The following ZNF8 variants were observed in gnomAD, a reference collection of about 807,000 sequenced individuals.
The protein encoded by ZNF8 is zinc finger protein 8.
ZNF8 carries 9 observed loss-of-function variants against 12.2 expected under a neutral mutation model. That is an observed-to-expected ratio of 0.73 (90% CI 0.44 to 1.28). The LOEUF (loss-of-function observed/expected upper bound fraction) is 1.28, where lower values mean the gene tolerates loss of function less well. ZNF8 is among the 50% of genes most tolerant of loss of function. The pLI, the probability that ZNF8 is intolerant of heterozygous loss-of-function variation, is 0.00. For synonymous variants in ZNF8, 274 were observed against 282.3 expected (o/e 0.97, Z 0.30); for missense variants, 664 against 729.1 (o/e 0.91, Z 1.03).
chr19:58,285,703 G>A lies in ZNF8; in HGVS notation c.67-14G>A. On this transcript the variant is annotated splice_polypyrimidine_tract_variant and intron_variant, in intron 1 of 3. Transcript: ENST00000621650. Reference sequence around the variant, plus strand: ...AGATAGTCCAGCTGATTGAGAATGTGTGTGATGTTTCAGGAACCAGTGACC... The same window carrying A: ...AGATAGTCCAGCTGATTGAGAATGTATGTGATGTTTCAGGAACCAGTGACC... 6.2e-7 allele frequency: 1 copy of A among 1,614,192 alleles called. No individual in the cohort carries two copies. Among genetic ancestry groups the A allele is most frequent in the East Asian group, 2.2e-5 (1 of 44,876 alleles).
At chr19:58,287,594 C>T (rs1036283128) in intron 3 of ZNF8, among the ~76,000 whole-genome samples, 2 of 149,640 alleles carry the variant, frequency 1.3e-5, no homozygotes, top group African/African-American at 2.5e-5. Flanking sequence ...CTGTCTTGGC[C>T]TCTCAAAGTG....
chr19:58,295,694 CCAAAT>C lies in ZNF8; in HGVS notation c.*160_*164del. 1.6e-6 allele frequency: 1 copy of C among 643,428 alleles called. No homozygotes were observed. Among genetic ancestry groups the C allele is most frequent in the Admixed American group, 3.1e-5 (1 of 32,280 alleles). 39.9% of individuals were successfully genotyped at this position (643,428 alleles called of 1,614,324 possible). A position where few individuals can be genotyped will look rare whatever the true frequency, so the allele number is the denominator to read the frequency against. ...CCCAAGCACCCGAGGTTGGTTGGTC[CCAAAT>C]CTATCAAACTCAGTGCCCTCTTTAG... is the stretch of plus-strand genomic sequence containing the variant. On this transcript the variant is annotated 3_prime_UTR_variant, in exon 4 of 4. Transcript: ENST00000621650.
rs755756446 is a variant in ZNF8, at chr19:58,299,812, A to G, written c.*4276A>G. The G allele has an allele frequency of 2.0e-5, 3 of 152,086 alleles. No individual in the cohort carries two copies. The highest frequency in any genetic ancestry group is 4.4e-5 in the Non-Finnish European group (3 of 68,048). The allele number at this position is 152,086 out of a possible 1,614,324, so 9.4% of individuals were successfully genotyped here. ...TCCCGTGTCCGTTTTTGCTTTTTGG[A>G]TGCTGGGAGTGTCACAACTCAGCTA... On this transcript the variant is annotated 3_prime_UTR_variant, in exon 4 of 4. Coordinates refer to ENST00000621650, the MANE Select transcript of ZNF8 (RefSeq NM_021089.3).
At chr19:58,288,246 A>G (rs1400716256) in intron 3 of ZNF8, among the ~76,000 whole-genome samples, 1 of 151,870 alleles carries the variant, frequency 6.6e-6, no homozygotes, top group Non-Finnish European at 1.5e-5. Context: ...AATACCCTAA[A>G]ACCAGGTTGG....
At chr19:58,293,580 A>G (rs942766868) in intron 3 of ZNF8, among the ~76,000 whole-genome samples, 9 of 152,188 alleles carry the variant, frequency 5.9e-5, no homozygotes, top group African/African-American at 2.2e-4. Flanking sequence ...AGAACTGGTT[A>G]TCTTGGATAC....
At chr19:58,285,964 G>C in intron 2 of ZNF8, 121 bp downstream of exon 2, 1 of 1,457,754 alleles carries the variant, frequency 6.9e-7, no homozygotes, top group Non-Finnish European at 9.4e-7. Context: ...GAAGAGGGAG[G>C]TCTGCCCTTT....
In ZNF8 at chr19:58,299,726, GC is replaced by G. The variant is rs1225036309; in HGVS notation, c.*4192del. The stretch of plus-strand genomic sequence containing the variant: ...AGAGCTTGCAGTGAGCTGAGATAGT[GC>G]CTCTGCACTCCAGCCTGGGTGACAG... On this transcript the variant is annotated 3_prime_UTR_variant, in exon 4 of 4. Transcript: ENST00000621650. 1 of 151,966 alleles carries G rather than the reference GC, an allele frequency of 6.6e-6. No individual in the cohort carries two copies. The highest frequency in any genetic ancestry group is 1.5e-5 in the Non-Finnish European group (1 of 68,032). The allele number at this position is 151,966 out of a possible 1,614,324, so 9.4% of individuals were successfully genotyped here.
intron 1 of ZNF8, chr19:58,279,675 A>T (rs1366265371): frequency 6.5e-7 from 1 of 1,532,488 alleles, no homozygotes; most frequent in Non-Finnish European, 8.7e-7. Flanking sequence ...ACTGAGTGTG[A>T]TGAGAGTGAC....
intron 3 of ZNF8, 96 bp downstream of exon 3, chr19:58,286,301 G>T: frequency 2.0e-6 from 2 of 1,006,412 alleles, no homozygotes; most frequent in Non-Finnish European, 3.0e-6. Context: ...TGGTCCTGAA[G>T]ACCACCCCAT....
At position 58,294,055 on chromosome 19, in the gene ZNF8, T is replaced by C; in HGVS notation, c.290-43T>C. On this transcript the variant is annotated intron_variant, in intron 3 of 3. Transcript: ENST00000621650. The surrounding 1 kb of genome is among the most constrained non-coding windows in gnomAD (Gnocchi z 5.5). ...TGTTGGAGGCCTGTCCCCCTTCCGT[T>C]TTTTTCTCCCAACAGCTCAGAGATC... is the stretch of plus-strand genomic sequence containing the variant. The C allele has an allele frequency of 6.5e-7, 1 of 1,546,452 alleles. No homozygotes were observed. The highest frequency in any genetic ancestry group is 8.7e-7 in the Non-Finnish European group (1 of 1,144,316).
chr19:58,299,001 G>A lies in ZNF8; in HGVS notation c.*3465G>A, dbSNP rs2051474175. On this transcript the variant is annotated 3_prime_UTR_variant, in exon 4 of 4. Coordinates refer to ENST00000621650, the MANE Select transcript of ZNF8 (RefSeq NM_021089.3). ...GATTTCTTAATTGTTTGTAGAGATG[G>A]GGTTTTACTACATTGCCTAGGCCAG... 6.6e-6 allele frequency: 1 copy of A among 151,840 alleles called. No individual in the cohort carries two copies. Among genetic ancestry groups the A allele is most frequent in the African/African-American group, 2.4e-5 (1 of 41,270 alleles). 9.4% of individuals were successfully genotyped at this position (151,840 alleles called of 1,614,324 possible).
Position 58,294,891 on chromosome 19 carries a change from G to A in ZNF8, c.1083G>A (p.Arg361=). ...NQNSSLGRHK[R]THTGEKPYTC... ...ACTCCTCCCTGGGGCGGCACAAGAG[G>A]ACACACACTGGGGAGAAGCCATACA... Residue 361 remains arginine (R), a synonymous_variant, in exon 4 of 4, where the codon AGG becomes AGA. Transcript: ENST00000621650. The surrounding 1 kb of genome is among the most constrained non-coding windows in gnomAD (Gnocchi z 5.5). The A allele has an allele frequency of 6.2e-7, 1 of 1,614,130 alleles. No homozygotes were observed. The highest frequency in any genetic ancestry group is 1.3e-5 in the African/African-American group (1 of 75,018).
intron 1 of ZNF8, among the ~76,000 whole-genome samples, chr19:58,280,810 T>C (rs1261400413): frequency 6.6e-6 from 1 of 152,208 alleles, no homozygotes. Flanking sequence ...CTGTGAGAGG[T>C]ACAGACCTTC....
At chr19:58,283,065 CT>C (rs1294588293) in intron 1 of ZNF8, among the ~76,000 whole-genome samples, 2 of 151,552 alleles carry the variant, frequency 1.3e-5, no homozygotes, top group East Asian at 3.9e-4. Context: ...GCAACCTCCA[CT>C]TTCCAGACTC....
intron 3 of ZNF8, among the ~76,000 whole-genome samples, chr19:58,292,974 GTC>G (rs2051429298): frequency 6.6e-6 from 1 of 150,502 alleles, no homozygotes; most frequent in Admixed American, 6.6e-5. Context: ...TTGAGACAGA[GTC>G]TCTGCTTGGT....
chr19:58,288,715 TA>T, intron 3 of ZNF8, among the ~76,000 whole-genome samples: 1 of 152,296 alleles, frequency 6.6e-6, no homozygotes, highest in East Asian at 1.9e-4. Flanking sequence ...GCCTGCAGAT[TA>T]GCCTCCCACC....
At chr19:58,285,574 C>G in intron 1 of ZNF8, 143 bp from the exon 2 acceptor site, 1 of 1,172,100 alleles carries the variant, frequency 8.5e-7, no homozygotes, top group Non-Finnish European at 1.3e-6. Flanking sequence ...TAATAGGTGC[C>G]CAGTGAGACC....
rs1252302404 is a variant in ZNF8 at position 58,299,192 on chromosome 19, A to C, written c.*3656A>C. ...CAGTGGTGCGATCTCGGCTCACTGC[A>C]AGCTCCGCCTCCCAGGTTCATGCCA... On this transcript the variant is annotated 3_prime_UTR_variant, in exon 4 of 4. Coordinates refer to ENST00000621650, the MANE Select transcript of ZNF8 (RefSeq NM_021089.3). 7.0e-6 allele frequency: 1 copy of C among 143,070 alleles called. No individual in the cohort carries two copies. 8.9% of individuals were successfully genotyped at this position (143,070 alleles called of 1,614,324 possible).
rs1268503058 is a variant in ZNF8 at position 58,279,017 on chromosome 19, T to C, written c.-65T>C. On this transcript the variant is annotated 5_prime_UTR_variant, in exon 1 of 4. Coordinates refer to ENST00000621650, the MANE Select transcript of ZNF8 (RefSeq NM_021089.3). ...GCGTTCGGCGAGTCGGGTGGTCCCT[T>C]TGGCTGGAGTGCCTCTCTGGTCTGG... is the stretch of plus-strand genomic sequence containing the variant. 3 of 1,348,936 alleles carry C rather than the reference T, an allele frequency of 2.2e-6. No individual in the cohort carries two copies. The highest frequency in any genetic ancestry group is 2.9e-6 in the Non-Finnish European group (3 of 1,041,778). 83.6% of individuals were successfully genotyped at this position (1,348,936 alleles called of 1,614,324 possible).
Sources: allele counts gnomAD v4.1 joint callset (sites outside exome capture counted in the v4.1 genomes callset), GRCh38; gene constraint gnomAD v4.1.1; non-coding constraint Gnocchi (gnomAD v3.1); transcripts MANE v1.5; gene names NCBI Gene and HGNC (gene_info 2026-07-23, HGNC 2026-07-21).